Variants in RFX3 observed in about 807,000 individuals in gnomAD.
The protein encoded by RFX3 is regulatory factor X3.
Under a neutral mutation model 98.6 loss-of-function variants are expected in RFX3, and 14 were observed. The observed-to-expected ratio is 0.14, with a 90% confidence interval of 0.09 to 0.22. The LOEUF (loss-of-function observed/expected upper bound fraction) is 0.22. Ranked by LOEUF, RFX3 falls within the 10% of genes least tolerant of loss-of-function variation. The pLI is 1.00. For synonymous variants in RFX3, 383 were observed against 328.4 expected, an observed-to-expected ratio of 1.17 and a Z score of -1.80; for missense variants, 639 against 926.9, an observed-to-expected ratio of 0.69 and a Z score of 4.03.
intron 1 of RFX3, chr9:3,452,293 TA>T: frequency 1.4e-5 from 3 of 215,262 alleles, no homozygotes; most frequent in South Asian, 9.5e-5. Flanking sequence ...TGTCATTTTT[TA>T]AAAAAACAAC....
intron 12 of RFX3, among the ~76,000 whole-genome samples, chr9:3,264,981 C>A (rs1823428234): frequency 6.6e-6 from 1 of 152,184 alleles, no homozygotes; most frequent in South Asian, 2.1e-4. Context: ...GAAAAGGATT[C>A]CTTGACCATA....
chr9:3,389,724 T>G (rs538086725), intron 2 of RFX3, among the ~76,000 whole-genome samples: 1 of 152,116 alleles, frequency 6.6e-6, no homozygotes, highest in Non-Finnish European at 1.5e-5. Context: ...TCAGGCTATG[T>G]GTATAAGGTA....
At chr9:3,333,235 G>C (rs1001357495) in intron 3 of RFX3, among the ~76,000 whole-genome samples, 5 of 152,092 alleles carry the variant, frequency 3.3e-5, no homozygotes, top group Admixed American at 2.6e-4. Flanking sequence ...ACTACTCCAA[G>C]ATTTTTGATT....
chr9:3,448,574 G>A (rs182489778), intron 1 of RFX3, among the ~76,000 whole-genome samples: 8 of 151,974 alleles, frequency 5.3e-5, no homozygotes, highest in Non-Finnish European at 1.0e-4. Flanking sequence ...CTGCGGTGGC[G>A]CCATCATAGC....
At chr9:3,428,292 C>T (rs1397753222) in intron 1 of RFX3, among the ~76,000 whole-genome samples, 1 of 152,066 alleles carries the variant, frequency 6.6e-6, no homozygotes, top group African/African-American at 2.4e-5. Context: ...CTCCCCATCC[C>T]CAACTTGTAT....
intron 1 of RFX3, among the ~76,000 whole-genome samples, chr9:3,408,829 A>G (rs972461758): frequency 6.6e-6 from 1 of 152,188 alleles, no homozygotes; most frequent in Non-Finnish European, 1.5e-5. Context: ...GTCTTCCACT[A>G]CTGCCTCTTT....
intron 15 of RFX3, among the ~76,000 whole-genome samples, chr9:3,245,511 A>G (rs1563792768): frequency 6.6e-6 from 1 of 152,170 alleles, no homozygotes; most frequent in East Asian, 1.9e-4. Flanking sequence ...GCATTTTCAC[A>G]AGACGATACT....
At chr9:3,301,374 G>A (rs1209039389) in intron 5 of RFX3, among the ~76,000 whole-genome samples, 172 bp downstream of exon 5, 1 of 151,582 alleles carries the variant, frequency 6.6e-6, no homozygotes, top group Non-Finnish European at 1.5e-5. Context: ...TCTATTTTTT[G>A]GATATTTCAC....
chr9:3,344,693 T>G, intron 3 of RFX3: 2 of 602,888 alleles, frequency 3.3e-6, no homozygotes. Flanking sequence ...CCATTACTAC[T>G]TGTCACAGAC....
At chr9:3,504,851 A>AT in intron 1 of RFX3, among the ~76,000 whole-genome samples, 2 of 29,674 alleles carry the variant, frequency 6.7e-5, no homozygotes, top group South Asian at 1.1e-3. Context: ...TATATATATT[A>AT]TATATGATAT....
intron 2 of RFX3, among the ~76,000 whole-genome samples, chr9:3,375,135 C>G (rs1838315382): frequency 6.6e-6 from 1 of 152,154 alleles, no homozygotes; most frequent in South Asian, 2.1e-4. Flanking sequence ...AAAGTATTAC[C>G]TAAATGTTGA....
chr9:3,295,384 C>A (rs1005911592), intron 5 of RFX3, among the ~76,000 whole-genome samples: 2 of 151,942 alleles, frequency 1.3e-5, no homozygotes, highest in African/African-American at 4.8e-5. Flanking sequence ...TATTGTACAA[C>A]AGTGCTGGTT....
chr9:3,468,486 T>C (rs1470632706), intron 1 of RFX3, among the ~76,000 whole-genome samples: 1 of 152,156 alleles, frequency 6.6e-6, no homozygotes, highest in Non-Finnish European at 1.5e-5. Context: ...CTGCTATTTC[T>C]TGTAGAGAGA....
chr9:3,493,629 A>C (rs1316897197), intron 1 of RFX3, among the ~76,000 whole-genome samples: 1 of 146,348 alleles, frequency 6.8e-6, no homozygotes, highest in African/African-American at 2.5e-5. Context: ...GCTTGCAGTG[A>C]GCCAAGATGG....
rs369545859 is a variant in RFX3, at chr9:3,297,905, G to A, written c.549+3641C>T. On this transcript the variant is annotated intron_variant, in intron 5 of 16. Transcript: ENST00000617270. ...ACATTTCTGAATTCAAATTTACAAT[G>A]TAAAATAAGTAGTTTGTAAATAAGT... Among the ~76,000 whole-genome samples the A allele has an allele frequency of 2.6e-5, 4 of 151,870 alleles. No homozygotes were observed. The East Asian group carries it at 5.8e-4, about 22-fold the overall frequency.
chr9:3,235,068 G>A (rs1818955329), intron 15 of RFX3, among the ~76,000 whole-genome samples: 1 of 152,204 alleles, frequency 6.6e-6, no homozygotes, highest in Non-Finnish European at 1.5e-5. Flanking sequence ...TTAATTGTAC[G>A]CATTCGTGGA....
At chr9:3,409,438 A>T (rs1842272238) in intron 1 of RFX3, among the ~76,000 whole-genome samples, 1 of 152,252 alleles carries the variant, frequency 6.6e-6, no homozygotes, top group South Asian at 2.1e-4. Flanking sequence ...ACTGCGAAAT[A>T]TCAGGGTTGA....
intron 1 of RFX3, among the ~76,000 whole-genome samples, chr9:3,452,121 C>T (rs1846697116): frequency 6.6e-6 from 1 of 150,462 alleles, no homozygotes; most frequent in Non-Finnish European, 1.5e-5. Context: ...TTTCTGTTAC[C>T]CCTATGGGGA....
chr9:3,373,482 T>A (rs566846840), intron 2 of RFX3, among the ~76,000 whole-genome samples: 14 of 152,280 alleles, frequency 9.2e-5, no homozygotes, highest in Admixed American at 5.9e-4. Context: ...AATAGAGAAT[T>A]AAAAATTTTA....
Sources: gnomAD v4.1 joint callset for allele counts (sites outside exome capture counted in the v4.1 genomes callset) on GRCh38, gnomAD v4.1.1 for gene constraint, MANE v1.5 for transcripts, NCBI Gene and HGNC (gene_info 2026-07-23, HGNC 2026-07-21) for gene names.